Variants in TENM3 observed in about 807,000 individuals in gnomAD.
The protein encoded by TENM3 is teneurin transmembrane protein 3, also known as teneurin-3.
In TENM3, 63 loss-of-function variants were observed where a neutral mutation model predicts 255.1. The observed-to-expected ratio is 0.25, with a 90% confidence interval of 0.20 to 0.30. The LOEUF (loss-of-function observed/expected upper bound fraction) is 0.30. Among genes scored for constraint, TENM3 ranks in the 10% least tolerant of loss-of-function variants. The pLI, the probability that TENM3 is intolerant of heterozygous loss-of-function variation, is 1.00. For synonymous variants in TENM3, 1,306 were observed against 1,322.3 expected, an observed-to-expected ratio of 0.99 and a Z score of 0.27; for missense variants, 2,929 against 3,461.1, an observed-to-expected ratio of 0.85 and a Z score of 3.86.
At chr4:181,546,676 T>C in the TENM3 span, among the ~76,000 whole-genome samples, 4 of 133,726 alleles carry the variant, frequency 3.0e-5, no homozygotes, top group South Asian at 7.5e-4. Context: ...ATCGCGCCAC[T>C]GCACTCCAGC....
intron 4 of TENM3, among the ~76,000 whole-genome samples, chr4:182,603,658 G>A (rs1323917168): frequency 1.3e-5 from 2 of 151,684 alleles, no homozygotes; most frequent in East Asian, 3.9e-4. Flanking sequence ...TCCCTATTGA[G>A]TATGATTCTC....
the TENM3 span, among the ~76,000 whole-genome samples, chr4:181,591,061 A>C: frequency 6.6e-6 from 1 of 152,252 alleles, no homozygotes; most frequent in Non-Finnish European, 1.5e-5. Context: ...AGTCTTATGC[A>C]ACCTTTGGTT....
At chr4:182,418,667 T>C (rs1168902209) in intron 3 of TENM3, among the ~76,000 whole-genome samples, 1 of 152,152 alleles carries the variant, frequency 6.6e-6, no homozygotes, top group Non-Finnish European at 1.5e-5. Context: ...GCTCATGTGA[T>C]CCTCCCACCT....
intron 1 of TENM3, among the ~76,000 whole-genome samples, chr4:182,160,820 A>T (rs1751097156): frequency 6.6e-6 from 1 of 152,118 alleles, no homozygotes; most frequent in Non-Finnish European, 1.5e-5. Context: ...ATAAGAGAGG[A>T]GTTTAAATGT....
chr4:181,643,274 A>T, the TENM3 span, among the ~76,000 whole-genome samples: 8 of 152,092 alleles, frequency 5.3e-5, no homozygotes, highest in African/African-American at 1.9e-4. Flanking sequence ...CTTTGTAGCA[A>T]CTGTGAGTGG....
At chr4:181,509,670 G>A in the TENM3 span, among the ~76,000 whole-genome samples, 3 of 152,212 alleles carry the variant, frequency 2.0e-5, no homozygotes, top group African/African-American at 7.2e-5. Context: ...CTCGCCCTAA[G>A]TGGAATGATT....
intron 1 of TENM3, among the ~76,000 whole-genome samples, chr4:182,158,336 C>T (rs1157181232): frequency 6.6e-6 from 1 of 152,186 alleles, no homozygotes; most frequent in Non-Finnish European, 1.5e-5. Flanking sequence ...AAGTCTGCAG[C>T]CTGGGTTTGG....
At chr4:181,761,039 G>GT in the TENM3 span, among the ~76,000 whole-genome samples, 659 of 148,562 alleles carry the variant, frequency 4.4e-3, 8 homozygotes, top group African/African-American at 0.015. Flanking sequence ...TGGTAAGTCT[G>GT]TTCTATAAAT....
intron 3 of TENM3, among the ~76,000 whole-genome samples, chr4:182,499,276 T>C (rs1736097422): frequency 6.6e-6 from 1 of 152,170 alleles, no homozygotes; most frequent in Admixed American, 6.5e-5. Context: ...AGAAAATAAA[T>C]TACAGCCTCA....
the TENM3 span, among the ~76,000 whole-genome samples, chr4:181,889,294 G>A: frequency 6.6e-6 from 1 of 152,014 alleles, no homozygotes; most frequent in Admixed American, 6.5e-5. Flanking sequence ...CCCGTTCCCA[G>A]CCTGCTCTCT....
the TENM3 span, among the ~76,000 whole-genome samples, chr4:181,731,833 T>A: frequency 6.6e-6 from 1 of 152,260 alleles, no homozygotes; most frequent in African/African-American, 2.4e-5. Context: ...AACAAAGCAG[T>A]TAAGAGACAA....
the TENM3 span, among the ~76,000 whole-genome samples, chr4:181,653,378 C>A: frequency 6.6e-6 from 1 of 151,682 alleles, no homozygotes; most frequent in African/African-American, 2.4e-5. Flanking sequence ...AGTCACTGGT[C>A]CAATCCATTG....
At chr4:181,760,923 T>C in the TENM3 span, among the ~76,000 whole-genome samples, 1 of 151,374 alleles carries the variant, frequency 6.6e-6, no homozygotes, top group Non-Finnish European at 1.5e-5. Flanking sequence ...GGATTATTTA[T>C]GCTTTCTTTG....
At chr4:182,718,415 G>T (rs1759384576) in intron 13 of TENM3, among the ~76,000 whole-genome samples, 1 of 152,004 alleles carries the variant, frequency 6.6e-6, no homozygotes, top group South Asian at 2.1e-4. Flanking sequence ...GTTGTGTGTG[G>T]CCTGGGCCTG....
At chr4:182,453,984 A>G (rs1364034695) in intron 3 of TENM3, among the ~76,000 whole-genome samples, 1 of 152,166 alleles carries the variant, frequency 6.6e-6, no homozygotes. Flanking sequence ...TTGGCTTTCA[A>G]TTCCTGTGAT....
chr4:182,158,552 T>G (rs1750875926), intron 1 of TENM3, among the ~76,000 whole-genome samples: 1 of 152,128 alleles, frequency 6.6e-6, no homozygotes, highest in Non-Finnish European at 1.5e-5. Flanking sequence ...TGTTTTCAGT[T>G]TACAGTACAC....
intron 3 of TENM3, among the ~76,000 whole-genome samples, chr4:182,387,033 G>A (rs544871698): frequency 6.6e-6 from 1 of 152,354 alleles, no homozygotes; most frequent in South Asian, 2.1e-4. Flanking sequence ...TAGGGACGTG[G>A]AGAGTCTTTA....
intron 3 of TENM3, among the ~76,000 whole-genome samples, chr4:182,424,404 C>T (rs1386360345): frequency 6.6e-6 from 1 of 152,020 alleles, no homozygotes; most frequent in East Asian, 1.9e-4. Context: ...CTAGCATTTA[C>T]CCCTTAGAAA....
the TENM3 span, among the ~76,000 whole-genome samples, chr4:181,874,191 T>C: frequency 6.6e-6 from 1 of 152,202 alleles, no homozygotes; most frequent in Non-Finnish European, 1.5e-5. Context: ...ACTGCTGAGA[T>C]TACAGGCGTG....
Sources: gnomAD v4.1 joint callset for allele counts (sites outside exome capture counted in the v4.1 genomes callset) on GRCh38, gnomAD v4.1.1 for gene constraint, MANE v1.5 for transcripts, NCBI Gene and HGNC (gene_info 2026-07-23, HGNC 2026-07-21) for gene names.